Variants in DOCK6 observed in about 807,000 individuals in gnomAD.
The protein encoded by DOCK6 is dedicator of cytokinesis protein 6.
DOCK6 carries 167 observed loss-of-function variants against 230.3 expected under a neutral mutation model. The ratio of observed to expected loss-of-function variants is 0.73; its 90% confidence interval spans 0.64 to 0.82. DOCK6 has a LOEUF of 0.82. Ranked by LOEUF, DOCK6 falls within the 40% of genes least tolerant of loss-of-function variation. The pLI is 0.00. For synonymous variants in DOCK6, 1,148 were observed against 1,185.0 expected (o/e 0.97, Z 0.64); for missense variants, 2,598 against 2,825.8 (o/e 0.92, Z 1.83).
intron 3 of DOCK6, 36 bp from the exon 4 acceptor site, chr19:11,252,586 G>A (rs1350787064): frequency 1.2e-6 from 2 of 1,611,758 alleles, no homozygotes; most frequent in African/African-American, 1.3e-5. Context: ...ACAGAGACAA[G>A]GCCTCTGTGA....
At chr19:11,237,585 C>A (rs757611560) in intron 17 of DOCK6, 28 bp from the exon 18 acceptor site, 3 of 1,268,432 alleles carry the variant, frequency 2.4e-6, no homozygotes, top group East Asian at 4.9e-5. Context: ...GTCAGGTCTG[C>A]GGCCAGGTTG....
intron 35 of DOCK6, 78 bp from the exon 36 acceptor site, chr19:11,212,229 G>A (rs1227683016): frequency 5.3e-6 from 8 of 1,504,526 alleles, no homozygotes; most frequent in Admixed American, 3.9e-5. Context: ...TCAACCTGCC[G>A]ACATGGCCCT....
intron 6 of DOCK6, 50 bp from the exon 7 acceptor site, chr19:11,248,201 C>T (rs781074523): frequency 3.5e-6 from 5 of 1,447,968 alleles, no homozygotes; most frequent in Middle Eastern, 1.9e-4. Flanking sequence ...GGGACATCCT[C>T]CAGGAAGGGT....
Position 11,222,272 on chromosome 19 carries a change from G to C in DOCK6, c.3241-24C>G, listed in dbSNP as rs1423065591. On this transcript the variant is annotated intron_variant, in intron 26 of 47. Transcript: ENST00000294618. The surrounding 1 kb of genome is among the most constrained non-coding windows in gnomAD (Gnocchi z 4.0). ...CTCTGCAGAGTGGGGGAAAAATGGG[G>C]GATGCCAGCGGTCAAGGGTCAGAGG... is the stretch of plus-strand genomic sequence containing the variant. 3 of 1,581,894 alleles carry C rather than the reference G, an allele frequency of 1.9e-6. No homozygotes were observed. The South Asian group carries it at 3.5e-5, about 18-fold the overall frequency.
chr19:11,218,040 C>T (rs538266606), intron 28 of DOCK6, among the ~76,000 whole-genome samples: 15 of 151,868 alleles, frequency 9.9e-5, no homozygotes, highest in African/African-American at 1.7e-4. Flanking sequence ...TTAGTAGAGA[C>T]GGGGTTTCAC....
chr19:11,236,388 C>A lies in DOCK6; in HGVS notation c.2350G>T (p.Val784Leu), dbSNP rs753109339. ...AFSHHVLDKL[V>L]RLVIRPPIIS... ...ATCGGGGGCCTGATGACCAGACGCA[C>A]GAGCTTGTCCAGCACGTGGTGGGAG... is the stretch of plus-strand genomic sequence containing the variant. Residue 784 changes from valine (V) to leucine (L), a missense_variant, in exon 20 of 48, where the codon GTG becomes TTG. By Grantham distance (32) the Val-to-Leu change is conservative. Coordinates refer to ENST00000294618, the MANE Select transcript of DOCK6 (RefSeq NM_020812.4). This position sits in a 1 kb window ranked among gnomAD's most constrained non-coding sequence, Gnocchi z 5.2. 3.2e-6 allele frequency: 5 copies of A among 1,580,086 alleles called. No individual in the cohort carries two copies. The Admixed American group carries it at 9.1e-5, about 29-fold the overall frequency.
At chr19:11,252,429 G>T in intron 4 of DOCK6, 53 bp downstream of exon 4, 10 of 1,602,910 alleles carry the variant, frequency 6.2e-6, no homozygotes, top group Non-Finnish European at 8.5e-6. Context: ...GCAGACATCA[G>T]CTCAGCCCTT....
chr19:11,200,189 C>T lies in DOCK6; in HGVS notation c.6101+119G>A. The T allele has an allele frequency of 9.1e-7, 1 of 1,099,308 alleles. No individual in the cohort carries two copies. Among genetic ancestry groups the T allele is most frequent in the Admixed American group, 3.0e-5 (1 of 32,896 alleles). 68.1% of individuals were successfully genotyped at this position (1,099,308 alleles called of 1,614,324 possible). Reference sequence around the variant, plus strand: ...AAAAAAACCGGAAACAAAACAAAGTCCAAGCTACCAGCAAACATGTTGCTG... The same window carrying T: ...AAAAAAACCGGAAACAAAACAAAGTTCAAGCTACCAGCAAACATGTTGCTG... On this transcript the variant is annotated intron_variant, in intron 47 of 47. Coordinates refer to ENST00000294618, the MANE Select transcript of DOCK6 (RefSeq NM_020812.4). This position sits in a 1 kb window ranked among gnomAD's most constrained non-coding sequence, Gnocchi z 4.3.
intron 1 of DOCK6, among the ~76,000 whole-genome samples, chr19:11,256,322 C>T (rs566123007): frequency 6.6e-6 from 1 of 152,328 alleles, no homozygotes; most frequent in South Asian, 2.1e-4. Flanking sequence ...GCAGCTGCTG[C>T]TCCAGAGGAG....
rs377336330 is a variant in DOCK6, at chr19:11,251,104, G to A, written c.508-18C>T. On this transcript the variant is annotated intron_variant, in intron 5 of 47. Coordinates refer to ENST00000294618, the MANE Select transcript of DOCK6 (RefSeq NM_020812.4). ...GAGTCATTCTGCCAGTGGAGAATGT[G>A]CAAGCACTGAGTGCCAGCTGTATAC... 1.3e-6 allele frequency: 2 copies of A among 1,599,396 alleles called. No individual in the cohort carries two copies. The highest frequency in any genetic ancestry group is 1.7e-6 in the Non-Finnish European group (2 of 1,172,540).
At chr19:11,250,768 G>T (rs1247057074) in intron 6 of DOCK6, 106 bp downstream of exon 6, 5 of 1,106,652 alleles carry the variant, frequency 4.5e-6, no homozygotes, top group Non-Finnish European at 6.4e-6. Context: ...ATTAATACAG[G>T]TGTATATAGT....
Position 11,201,543 on chromosome 19 carries a change from C to T in DOCK6, c.5688+346G>A, listed in dbSNP as rs1278644961. ...AGATTGGAATGCAGGGTCTCCATATCTTCTCAGCCCAGTTCTGGGGTACCT... is the reference window on the plus strand; with the variant it reads ...AGATTGGAATGCAGGGTCTCCATATTTTCTCAGCCCAGTTCTGGGGTACCT... On this transcript the variant is annotated intron_variant, in intron 44 of 47. Transcript: ENST00000294618. This position sits in a 1 kb window ranked among gnomAD's most constrained non-coding sequence, Gnocchi z 4.3. Among the ~76,000 whole-genome samples the T allele has an allele frequency of 6.6e-6, 1 of 151,872 alleles. No homozygotes were observed. The highest frequency in any genetic ancestry group is 1.5e-5 in the Non-Finnish European group (1 of 67,938).
intron 5 of DOCK6, 22 bp downstream of exon 5, chr19:11,252,097 C>T (rs977390351): frequency 6.3e-7 from 1 of 1,581,336 alleles, no homozygotes; most frequent in African/African-American, 1.3e-5. Context: ...CCTTCAGTGA[C>T]CCCAGCCAGG....
chr19:11,222,119 C>T lies in DOCK6; in HGVS notation c.3370G>A (p.Glu1124Lys). 4 of 1,613,090 alleles carry T rather than the reference C, an allele frequency of 2.5e-6. No homozygotes were observed. Among genetic ancestry groups the T allele is most frequent in the Non-Finnish European group, 2.5e-6 (3 of 1,179,574 alleles). The change falls in exon 27 of 48, where the codon GAG (glutamate) becomes AAG (lysine). Residue 1124 changes from glutamate to lysine, a missense_variant. Coordinates refer to ENST00000294618, the MANE Select transcript of DOCK6 (RefSeq NM_020812.4). This position sits in a 1 kb window ranked among gnomAD's most constrained non-coding sequence, Gnocchi z 4.0. ...LTELALALEP[E>K]AEGAFLLHKK... is the part of the protein sequence containing the mutation. ...AGGAGCTCTGCTCACCCTTCAGCCT[C>T]AGGTTCGAGGGCCAGTGCCAGCTCC...
At position 11,201,976 on chromosome 19, in the gene DOCK6, G is replaced by A. The variant is rs760209633; in HGVS notation, c.5601C>T (p.Pro1867=). 1.7e-5 allele frequency: 28 copies of A among 1,613,816 alleles called. No homozygotes were observed. Among genetic ancestry groups the A allele is most frequent in the East Asian group, 8.9e-5 (4 of 44,868 alleles). Residue 1867 remains proline (P), a synonymous_variant, in exon 44 of 48, where the codon CCC becomes CCT. Coordinates refer to ENST00000294618, the MANE Select transcript of DOCK6 (RefSeq NM_020812.4). This position sits in a 1 kb window ranked among gnomAD's most constrained non-coding sequence, Gnocchi z 4.3. ...GCAGCGTCTTACGCTTGTGTTGCTC[G>A]GGCAGCTCCCCGTGTGCGCGCCCAT... The part of the protein sequence containing the change: ...TPDGRAHGEL[P]EQHKRKTLLS...
intron 22 of DOCK6, chr19:11,232,143 G>A: frequency 8.0e-7 from 1 of 1,256,930 alleles, no homozygotes; most frequent in Non-Finnish European, 1.0e-6. Context: ...AGCTCATGCT[G>A]AGGTGGTGTC....
chr19:11,262,360 G>C (rs758415273), intron 1 of DOCK6, 37 bp downstream of exon 1: 1 of 1,234,768 alleles, frequency 8.1e-7, no homozygotes, highest in Non-Finnish European at 1.0e-6. Context: ...GCCGGGCCAC[G>C]TGGGGGAGGT....
rs1346248877 is a variant in DOCK6, at chr19:11,199,456, G to GGGT, written c.*38_*40dup. ...CTCGCAGCACAGACAGCTGAGGCCC[G>GGGT]GGTGCTGGTTCCTCTAGGTACAGCT... On this transcript the variant is annotated 3_prime_UTR_variant, in exon 48 of 48. Coordinates refer to ENST00000294618, the MANE Select transcript of DOCK6 (RefSeq NM_020812.4). 6.4e-7 allele frequency: 1 copy of GGGT among 1,559,532 alleles called. No homozygotes were observed. The highest frequency in any genetic ancestry group is 8.7e-7 in the Non-Finnish European group (1 of 1,151,146).
intron 41 of DOCK6, chr19:11,203,325 A>G: frequency 6.1e-6 from 1 of 163,864 alleles, no homozygotes; most frequent in Non-Finnish European, 1.3e-5. Context: ...GTGGGGCCAG[A>G]GGTGTGGGGG....
Sources: gnomAD v4.1 joint callset for allele counts (sites outside exome capture counted in the v4.1 genomes callset) on GRCh38, gnomAD v4.1.1 for gene constraint, Gnocchi (gnomAD v3.1) non-coding constraint, MANE v1.5 for transcripts, NCBI Gene and HGNC (gene_info 2026-07-23, HGNC 2026-07-21) for gene names.